Variants in PRPF6 observed in about 807,000 individuals in gnomAD.
PRPF6 encodes pre-mRNA-processing factor 6.
PRPF6 carries 42 observed loss-of-function variants against 118.3 expected under a neutral mutation model. The observed-to-expected ratio is 0.35, with a 90% CI of 0.28 to 0.46. PRPF6 has a LOEUF of 0.46. Among genes scored for constraint, PRPF6 ranks in the 20% least tolerant of loss-of-function variants. The probability of loss-of-function intolerance (pLI) is 1.00; values close to 1 mark genes in which losing one functional copy is unlikely to be tolerated. For synonymous variants in PRPF6, 481 were observed against 485.1 expected (o/e 0.99, Z 0.11); for missense variants, 662 against 1,255.7 (o/e 0.53, Z 7.15).
rs1199926074 is a variant in PRPF6 at position 64,010,331 on chromosome 20, G to A, written c.1305+13G>A. 8.7e-6 allele frequency: 14 copies of A among 1,607,790 alleles called. No homozygotes were observed. Among genetic ancestry groups the A allele is most frequent in the Non-Finnish European group, 1.2e-5 (14 of 1,176,618 alleles). The stretch of plus-strand genomic sequence containing the variant: ...CACCAGCGTGGAGGTGAGTCTGGCG[G>A]GCTCAGGGCCACCAGAGCCCAAAGT... On this transcript the variant is annotated intron_variant, in intron 10 of 20. Coordinates refer to ENST00000266079, the MANE Select transcript of PRPF6 (RefSeq NM_012469.4).
chr20:63,996,893 CA>C (rs1237397761), intron 6 of PRPF6, among the ~76,000 whole-genome samples: 11 of 152,092 alleles, frequency 7.2e-5, no homozygotes, highest in African/African-American at 2.7e-4. Flanking sequence ...CGCGCCTCTG[CA>C]CACCAGCCTG....
intron 5 of PRPF6, 63 bp downstream of exon 5, chr20:63,995,155 G>A: frequency 1.2e-6 from 2 of 1,609,288 alleles, no homozygotes; most frequent in Non-Finnish European, 1.7e-6. Flanking sequence ...GGCAGGAATG[G>A]TGGGTGGTGT....
chr20:64,010,899 T>C (rs1369739125), intron 10 of PRPF6, among the ~76,000 whole-genome samples: 1 of 152,230 alleles, frequency 6.6e-6, no homozygotes, highest in Admixed American at 6.5e-5. Flanking sequence ...AGGGATGGAA[T>C]GCTGCAGAAC....
intron 2 of PRPF6, among the ~76,000 whole-genome samples, chr20:63,984,354 G>A (rs2059084394): frequency 6.6e-6 from 1 of 152,044 alleles, no homozygotes; most frequent in African/African-American, 2.4e-5. Context: ...CCGGGAGGCG[G>A]AGGTTGCGGT....
At chr20:64,032,646 C>T (rs1022569171) in intron 20 of PRPF6, among the ~76,000 whole-genome samples, 195 bp from the exon 21 acceptor site, 7 of 152,242 alleles carry the variant, frequency 4.6e-5, no homozygotes, top group Admixed American at 1.3e-4. Flanking sequence ...GGTCCATGCT[C>T]CTCAGGAGGT....
At position 64,027,398 on chromosome 20, in the gene PRPF6, C is replaced by T. The variant is rs182033484; in HGVS notation, c.2206-205C>T. Among the ~76,000 whole-genome samples, 52 of 152,306 alleles carry T rather than the reference C, an allele frequency of 3.4e-4. No homozygotes were observed. The East Asian group carries it at 0.01, about 29-fold the overall frequency. Reference sequence around the variant, plus strand: ...GAGTGTGGCACACCTGCAGTAAAGGCTGGTACGTACAGACCTGTGTGCACA... The same window carrying T: ...GAGTGTGGCACACCTGCAGTAAAGGTTGGTACGTACAGACCTGTGTGCACA... On this transcript the variant is annotated intron_variant, in intron 16 of 20. Coordinates refer to ENST00000266079, the MANE Select transcript of PRPF6 (RefSeq NM_012469.4). This position sits in a 1 kb window ranked among gnomAD's most constrained non-coding sequence, Gnocchi z 6.5.
intron 2 of PRPF6, among the ~76,000 whole-genome samples, chr20:63,983,912 C>T (rs997645413): frequency 6.6e-6 from 1 of 152,174 alleles, no homozygotes; most frequent in Non-Finnish European, 1.5e-5. Context: ...TTCGGCTTCC[C>T]AAAGTGTTGG....
Position 64,002,014 on chromosome 20 carries a change from G to GTTTTTTTTTTT in PRPF6, c.1186+787_1186+797dup, listed in dbSNP as rs386394238. Among the ~76,000 whole-genome samples the GTTTTTTTTTTT allele has an allele frequency of 3.5e-4, 29 of 83,264 alleles. 1 individual carries two copies. The highest frequency in any genetic ancestry group is 5.5e-4 in the South Asian group (1 of 1,832). 54.6% of individuals were successfully genotyped at this position (83,264 alleles called of 152,430 possible). ...TTTCATTTTTTGTTTTTTTTTTCTG[G>GTTTTTTTTTTT]TTTTTTTTTTTTTTTTTTTTTTGAG... On this transcript the variant is annotated intron_variant, in intron 9 of 20. Transcript: ENST00000266079.
chr20:64,027,281 TG>T lies in PRPF6; in HGVS notation c.2205+125del, dbSNP rs2059295329. 7.6e-7 allele frequency: 1 copy of T among 1,308,908 alleles called. No homozygotes were observed. Among genetic ancestry groups the T allele is most frequent in the African/African-American group, 1.5e-5 (1 of 68,262 alleles). The allele number at this position is 1,308,908 out of a possible 1,614,324, so 81.1% of individuals were successfully genotyped here. ...GTGGAGGGCTGGGGGTTACAGCTGATGGAGCTGCAGACTCAGGACCCAAACC... is the reference window on the plus strand; with the variant it reads ...GTGGAGGGCTGGGGGTTACAGCTGATGAGCTGCAGACTCAGGACCCAAACC... On this transcript the variant is annotated intron_variant, in intron 16 of 20. Coordinates refer to ENST00000266079, the MANE Select transcript of PRPF6 (RefSeq NM_012469.4). The surrounding 1 kb of genome is among the most constrained non-coding windows in gnomAD (Gnocchi z 6.5).
At chr20:64,021,231 A>T (rs778347077) in intron 12 of PRPF6, among the ~76,000 whole-genome samples, 13 of 148,260 alleles carry the variant, frequency 8.8e-5, no homozygotes, top group African/African-American at 1.3e-4. Flanking sequence ...CCACAGCCCC[A>T]TGTCTGTGTG....
chr20:64,021,339 GTGTC>G (rs765116881), intron 12 of PRPF6, among the ~76,000 whole-genome samples: 144 of 149,078 alleles, frequency 9.7e-4, no homozygotes, highest in Non-Finnish European at 1.5e-3. Context: ...CCACAGCCGT[GTGTC>G]TGTGTGTGTG....
intron 8 of PRPF6, among the ~76,000 whole-genome samples, chr20:64,000,524 G>A (rs891839784): frequency 1.7e-4 from 26 of 150,532 alleles, no homozygotes; most frequent in Non-Finnish European, 1.8e-4. Context: ...TTTGTCCATG[G>A]AGTTGTCCTG....
At chr20:64,016,022 G>GT (rs1478173373) in intron 11 of PRPF6, among the ~76,000 whole-genome samples, 1 of 152,166 alleles carries the variant, frequency 6.6e-6, no homozygotes, top group Non-Finnish European at 1.5e-5. Context: ...GGAGGCTGAG[G>GT]TGAGAGTATC....
chr20:64,028,605 CTGACTCCGGTAAGGGGGTGCCT>C lies in PRPF6; in HGVS notation c.2431+57_2431+78del, dbSNP rs763213919. The C allele has an allele frequency of 2.3e-5, 37 of 1,602,016 alleles. No homozygotes were observed. The Admixed American group carries it at 2.8e-4, about 12-fold the overall frequency. ...GCCCCGACTCCGGTAAGGGGGTGCC[CTGACTCCGGTAAGGGGGTGCCT>C]TGACTCCGGTAAGGGGGTGCTTCCT... On this transcript the variant is annotated intron_variant, in intron 18 of 20. Transcript: ENST00000266079. This position sits in a 1 kb window ranked among gnomAD's most constrained non-coding sequence, Gnocchi z 6.5.
intron 6 of PRPF6, among the ~76,000 whole-genome samples, chr20:63,997,775 A>G (rs1324281379): frequency 6.6e-6 from 1 of 151,990 alleles, no homozygotes; most frequent in Non-Finnish European, 1.5e-5. Context: ...GGATTTCACC[A>G]TGTTGGCCAG....
chr20:63,984,564 A>G (rs2059085345), intron 2 of PRPF6, among the ~76,000 whole-genome samples: 1 of 152,222 alleles, frequency 6.6e-6, no homozygotes, highest in Non-Finnish European at 1.5e-5. Context: ...TATTGAAACG[A>G]AGGAGTTAAC....
chr20:63,985,442 G>A (rs529179213), intron 3 of PRPF6, among the ~76,000 whole-genome samples: 5 of 152,202 alleles, frequency 3.3e-5, no homozygotes, highest in Non-Finnish European at 5.9e-5. Context: ...GGCCACCTGA[G>A]GGTCTTGGTC....
Position 63,994,972 on chromosome 20 carries a change from T to C in PRPF6, c.495T>C (p.Asp165=), listed in dbSNP as rs767986781. Residue 165 remains aspartate, a synonymous_variant, in exon 5 of 21, where the codon GAT becomes GAC. Transcript: ENST00000266079. The part of the protein sequence containing the change: ...EEWLSIPEVG[D]ARNKRQRNPR... The stretch of plus-strand genomic sequence containing the variant: ...GGCTGAGCATCCCCGAGGTTGGCGA[T>C]GCCAGAAATAAACGTCAGCGGAACC... The C allele has an allele frequency of 6.2e-7, 1 of 1,614,196 alleles. No individual in the cohort carries two copies. The highest frequency in any genetic ancestry group is 2.2e-5 in the East Asian group (1 of 44,886).
chr20:63,992,807 C>T (rs924983200), intron 3 of PRPF6, among the ~76,000 whole-genome samples: 7 of 151,972 alleles, frequency 4.6e-5, no homozygotes, highest in African/African-American at 1.7e-4. Context: ...GATCTTGGCT[C>T]ACTGCACCCT....
Sources: gnomAD v4.1 joint callset for allele counts (sites outside exome capture counted in the v4.1 genomes callset) on GRCh38, gnomAD v4.1.1 for gene constraint, Gnocchi (gnomAD v3.1) non-coding constraint, MANE v1.5 for transcripts, NCBI Gene and HGNC (gene_info 2026-07-23, HGNC 2026-07-21) for gene names.